The following IGSF22 variants were observed in gnomAD, a reference collection of about 807,000 sequenced individuals.
IGSF22 encodes immunoglobulin superfamily member 22.
In IGSF22, 119 loss-of-function variants were observed where a neutral mutation model predicts 127.0. The ratio of observed to expected loss-of-function variants is 0.94; its 90% CI spans 0.81 to 1.09. The LOEUF is 1.09. Among genes scored for constraint, IGSF22 ranks in the 50% least tolerant of loss-of-function variants. IGSF22 has a pLI of 0.00. For missense variants in IGSF22, 1,518 were observed against 1,716.6 expected (o/e 0.88, Z 2.04); for synonymous variants, 568 against 664.7 (o/e 0.85, Z 2.24).
chr11:18,708,163 G>A, intron 19 of IGSF22, 44 bp downstream of exon 19: 1 of 1,533,962 alleles, frequency 6.5e-7, no homozygotes, highest in Non-Finnish European at 8.8e-7. Context: ...AGCCATCTTG[G>A]TTATGTGGAC....
rs933814811 is a variant in IGSF22 at position 18,714,378 on chromosome 11, G to A, written c.1697C>T (p.Ala566Val). ...LPGMQIVKQG[A>V]VHKLIFPSMG... ...ACTGGGAAAGATGAGCTTGTGCACT[G>A]CACCCTGCTTCACAATCTGCATGCC... The change falls in exon 13 of 23, where the codon GCA (alanine) becomes GTA (valine). Residue 566 changes from alanine (A) to valine (V), a missense_variant. This residue lies in a region of IGSF22 where 1,456 missense variants were observed against 1,644.9 expected (regional missense o/e 0.89). Transcript: ENST00000513874. The A allele has an allele frequency of 3.1e-6, 5 of 1,614,240 alleles. No individual in the cohort carries two copies. Among genetic ancestry groups the A allele is most frequent in the Non-Finnish European group, 4.2e-6 (5 of 1,180,028 alleles).
In IGSF22 at chr11:18,712,173, TC is replaced by T; in HGVS notation, c.2306del (p.Gly769GlufsTer16). The T allele has an allele frequency of 3.2e-6, 5 of 1,551,764 alleles. No individual in the cohort carries two copies. Among genetic ancestry groups the T allele is most frequent in the Non-Finnish European group, 4.4e-6 (5 of 1,147,002 alleles). On this transcript the variant is annotated frameshift_variant, in exon 15 of 23. Coordinates refer to ENST00000513874, the MANE Select transcript of IGSF22 (RefSeq NM_173588.4). LOFTEE classifies it high-confidence loss of function. ...CCAGGATACGGAACTGGTAGGCTTT[TC>T]CCTCTTCCACCTTGTTGGTGGAGAA... ...TNFSTNKVEE[G>X]KAYQFRILAV... is the part of the protein sequence containing the mutation.
chr11:18,707,758 G>C, intron 20 of IGSF22, 46 bp downstream of exon 20: 1 of 1,486,142 alleles, frequency 6.7e-7, no homozygotes, highest in Non-Finnish European at 9.2e-7. Flanking sequence ...GTGCTTTGGA[G>C]AGTGTACAGG....
chr11:18,725,451 G>GT (rs1365826677), intron 1 of IGSF22, among the ~76,000 whole-genome samples: 6 of 151,252 alleles, frequency 4.0e-5, no homozygotes, highest in African/African-American at 9.7e-5. Flanking sequence ...TTTTGTTTTT[G>GT]TTTTTTTGAG....
chr11:18,724,459 CCT>C (rs1296869634), intron 1 of IGSF22, among the ~76,000 whole-genome samples, 190 bp from the exon 2 acceptor site: 1 of 152,196 alleles, frequency 6.6e-6, no homozygotes, highest in Non-Finnish European at 1.5e-5. Context: ...ATAGGCCTGT[CCT>C]CTCACTGAGT....
rs141254222 is a variant in IGSF22 at position 18,707,929 on chromosome 11, G to A, written c.3155C>T (p.Thr1052Ile). Residue 1052 changes from threonine to isoleucine, a missense_variant, in exon 20 of 23, where the codon ACC becomes ATC. Around this residue, in one of 3 missense-constraint regions of IGSF22, gnomAD observed 1,456 missense variants for 1,644.9 expected, o/e 0.89. Coordinates refer to ENST00000513874, the MANE Select transcript of IGSF22 (RefSeq NM_173588.4). ...GVPTKGRETITKSKNHSQFLI... is the reference protein window; with the variant it reads ...GVPTKGRETIIKSKNHSQFLI... ...GAACTGGGAGTGGTTTTTGCTCTTG[G>A]TAATTGTCTCTCGGCCCTTGGTGGG... The A allele has an allele frequency of 3.6e-5, 58 of 1,614,222 alleles. 1 individual carries two copies. The African/African-American group carries it at 6.4e-4, about 18-fold the overall frequency.
chr11:18,714,772 T>C (rs1848429660), intron 11 of IGSF22, 148 bp from the exon 12 acceptor site: 1 of 866,610 alleles, frequency 1.2e-6, no homozygotes, highest in South Asian at 1.6e-5. Context: ...CTTGCCAATG[T>C]GGTCAATAGG....
Position 18,718,708 on chromosome 11 carries a change from G to A in IGSF22, c.717C>T (p.Pro239=). 1.2e-6 allele frequency: 2 copies of A among 1,611,492 alleles called. No homozygotes were observed. Among genetic ancestry groups the A allele is most frequent in the Non-Finnish European group, 1.7e-6 (2 of 1,177,836 alleles). The change falls in exon 8 of 23, where the codon CCC becomes CCT. Residue 239 remains proline, a synonymous_variant. Transcript: ENST00000513874. Reference sequence around the variant, plus strand: ...CAACCTTGGTCTCTTTGTCTTCCAGGGGCTTCAGAATCCGGATGGCCTGAG... The same window carrying A: ...CAACCTTGGTCTCTTTGTCTTCCAGAGGCTTCAGAATCCGGATGGCCTGAG... ...VEVEAIRILK[P]LEDKETKVDT...
intron 1 of IGSF22, among the ~76,000 whole-genome samples, chr11:18,724,681 G>A (rs1022537803): frequency 6.6e-6 from 1 of 152,182 alleles, no homozygotes; most frequent in Non-Finnish European, 1.5e-5. Context: ...GCTTTAGAAG[G>A]AAGCTGTGTC....
intron 20 of IGSF22, 42 bp from the exon 21 acceptor site, chr11:18,707,255 G>C (rs1408472303): frequency 6.8e-7 from 1 of 1,471,300 alleles, no homozygotes. Flanking sequence ...TGGGGCACCT[G>C]AAGTATTATG....
rs1407005368 is a variant in IGSF22 at position 18,709,578 on chromosome 11, A to T, written c.2807T>A (p.Ile936Asn). The T allele has an allele frequency of 6.2e-7, 1 of 1,614,150 alleles. No individual in the cohort carries two copies. Among genetic ancestry groups the T allele is most frequent in the Non-Finnish European group, 8.5e-7 (1 of 1,180,030 alleles). ...PAEGDPPSGY[I>N]LEMRAEDTKE... ...TGTGTCTTCAGCCCTCATCTCAAGG[A>T]TGTAGCCAGAGGGTGGGTCTCCCTC... Residue 936 changes from isoleucine (I) to asparagine (N), a missense_variant, in exon 18 of 23, where the codon ATC becomes AAC. Around this residue, in one of 3 missense-constraint regions of IGSF22, gnomAD observed 1,456 missense variants for 1,644.9 expected, o/e 0.89. Transcript: ENST00000513874. The surrounding 1 kb of genome is among the most constrained non-coding windows in gnomAD (Gnocchi z 4.8).
Position 18,716,150 on chromosome 11 carries a change from C to T in IGSF22, c.1247-434G>A, listed in dbSNP as rs1396064900. Among the ~76,000 whole-genome samples the T allele has an allele frequency of 2.0e-5, 3 of 152,100 alleles. No individual in the cohort carries two copies. The highest frequency in any genetic ancestry group is 4.4e-5 in the Non-Finnish European group (3 of 68,020). ...TCTGCTGGGGATGTTCTCTACTCTC[C>T]CTCATTCTTTGAAAGCGGAACTCCT... On this transcript the variant is annotated intron_variant, in intron 10 of 22. Coordinates refer to ENST00000513874, the MANE Select transcript of IGSF22 (RefSeq NM_173588.4). This position sits in a 1 kb window ranked among gnomAD's most constrained non-coding sequence, Gnocchi z 4.5.
chr11:18,707,075 G>A lies in IGSF22; in HGVS notation c.3419C>T (p.Ala1140Val), dbSNP rs182794983. The change falls in exon 21 of 23, where the codon GCC becomes GTC. Residue 1140 changes from alanine to valine, a missense_variant. By Grantham distance (64) the Ala-to-Val change is moderately conservative (BLOSUM62 0). Coordinates refer to ENST00000513874, the MANE Select transcript of IGSF22 (RefSeq NM_173588.4). ...YIIMKRDAST[A>V]TWYTAAERVF... ...ACGCTCGGCTGCCGTGTACCAGGTG[G>A]CTGTGCTTGCATCCCGCTTCATGAT... 1.1e-4 allele frequency: 166 copies of A among 1,551,688 alleles called. 1 individual carries two copies. The East Asian group carries it at 3.8e-3, about 35-fold the overall frequency.
Position 18,709,473 on chromosome 11 carries a change from T to C in IGSF22, c.2912A>G (p.Tyr971Cys). Residue 971 changes from tyrosine (Y) to cysteine (C), a missense_variant, in exon 18 of 23, where the codon TAC (tyrosine) becomes TGC (cysteine). By Grantham distance (194) the Tyr-to-Cys change is radical. Transcript: ENST00000513874. The surrounding 1 kb of genome is among the most constrained non-coding windows in gnomAD (Gnocchi z 4.8). ...TVGGLIERQK[Y>C]FFRIRAVNEA... ...ATTCACAGCCCGGATTCGGAAGAAGTATTTCTGCCTCTCGATGAGTCCTCC... is the reference window on the plus strand; with the variant it reads ...ATTCACAGCCCGGATTCGGAAGAAGCATTTCTGCCTCTCGATGAGTCCTCC... 6.2e-7 allele frequency: 1 copy of C among 1,614,070 alleles called. No homozygotes were observed. The highest frequency in any genetic ancestry group is 8.5e-7 in the Non-Finnish European group (1 of 1,180,020).
Position 18,709,391 on chromosome 11 carries a change from T to G in IGSF22, c.2994A>C (p.Pro998=), listed in dbSNP as rs1390065588. 1.9e-6 allele frequency: 3 copies of G among 1,613,266 alleles called. No homozygotes were observed. The highest frequency in any genetic ancestry group is 2.5e-6 in the Non-Finnish European group (3 of 1,179,718). ...ELDKGVRAMP[P]PAAPKFDLSA... ...CAGCCCTCTCTGTGTCCTCACCTGG[T>G]GGTGGCATGGCACGGACCCCCTTGT... Residue 998 remains proline, a synonymous_variant, in exon 18 of 23, where the codon CCA becomes CCC. Transcript: ENST00000513874. This position sits in a 1 kb window ranked among gnomAD's most constrained non-coding sequence, Gnocchi z 4.8.
At position 18,707,293 on chromosome 11, in the gene IGSF22, G is replaced by A. The variant is rs1242957515; in HGVS notation, c.3281-80C>T. The A allele has an allele frequency of 2.4e-5, 31 of 1,284,258 alleles. No individual in the cohort carries two copies. In the South Asian group the frequency reaches 4.2e-4, roughly 17 times the overall value. The allele number at this position is 1,284,258 out of a possible 1,614,324, so 79.6% of individuals were successfully genotyped here. ...CCCACCCCAGCCATCTGCCAAGTCC[G>A]ATGGAAGATAAGATGGGGCAAGTCT... On this transcript the variant is annotated intron_variant, in intron 20 of 22. Coordinates refer to ENST00000513874, the MANE Select transcript of IGSF22 (RefSeq NM_173588.4).
At chr11:18,711,167 A>G (rs1848349794) in intron 15 of IGSF22, among the ~76,000 whole-genome samples, 1 of 152,128 alleles carries the variant, frequency 6.6e-6, no homozygotes, top group Non-Finnish European at 1.5e-5. Flanking sequence ...ACTGACAACA[A>G]CTAGTGTCTG....
intron 11 of IGSF22, among the ~76,000 whole-genome samples, 166 bp from the exon 12 acceptor site, chr11:18,714,790 G>C (rs1272935561): frequency 6.6e-6 from 1 of 151,964 alleles, no homozygotes; most frequent in African/African-American, 2.4e-5. Flanking sequence ...AGGTGATTAG[G>C]GGGTGGTCAG....
In IGSF22 at chr11:18,720,249, T is replaced by C; in HGVS notation, c.415A>G (p.Lys139Glu). ...GCATGGTCATTGCTTGCAATGCACT[T>C]ATAGTTGTCAGAGTCATCCGAAGTC... ...PLTSDDSDNY[K>E]CIASNDHADA... The change falls in exon 5 of 23, where the codon AAG becomes GAG. Residue 139 changes from lysine to glutamate, a missense_variant. By Grantham distance (56) the Lys-to-Glu change is moderately conservative. This residue lies in a region of IGSF22 where 1,456 missense variants were observed against 1,644.9 expected (regional missense o/e 0.89). Coordinates refer to ENST00000513874, the MANE Select transcript of IGSF22 (RefSeq NM_173588.4). 2 of 1,614,150 alleles carry C rather than the reference T, an allele frequency of 1.2e-6. No individual in the cohort carries two copies. Among genetic ancestry groups the C allele is most frequent in the East Asian group, 2.2e-5 (1 of 44,880 alleles).
Sources: allele counts gnomAD v4.1 joint callset (sites outside exome capture counted in the v4.1 genomes callset), GRCh38; gene constraint gnomAD v4.1.1; regional missense constraint gnomAD v4.1.1; non-coding constraint Gnocchi (gnomAD v3.1); transcripts MANE v1.5; gene names NCBI Gene and HGNC (gene_info 2026-07-23, HGNC 2026-07-21).